PASD1: variants seen among roughly 807,000 people sequenced by gnomAD.
The protein encoded by PASD1 is PAS domain containing repressor 1.
Under a neutral mutation model 58.8 loss-of-function variants are expected in PASD1, and 13 were observed. The ratio of observed to expected loss-of-function variants is 0.22; its 90% confidence interval spans 0.14 to 0.35. PASD1 has a LOEUF of 0.35. Ranked by LOEUF, PASD1 falls within the 10% of genes least tolerant of loss-of-function variation. The pLI is 1.00. For synonymous variants in PASD1, 236 were observed against 216.7 expected, an observed-to-expected ratio of 1.09 and a Z score of -0.78; for missense variants, 734 against 568.3, an observed-to-expected ratio of 1.29 and a Z score of -2.96.
Position 151,659,812 on chromosome X carries a change from C to A in PASD1, c.817C>A (p.Leu273Met). The A allele has an allele frequency of 8.3e-7, 1 of 1,206,607 alleles. No individual in the cohort carries two copies. The highest frequency in any genetic ancestry group is 1.1e-6 in the Non-Finnish European group (1 of 891,931). Reference sequence around the variant, plus strand: ...AACTTATTGCTCCAGTACAGTTTTCCTGGATACTATGCCTGAATCTCCAGG... The same window carrying A: ...AACTTATTGCTCCAGTACAGTTTTCATGGATACTATGCCTGAATCTCCAGG... ...DSTYCSSTVF[L>M]DTMPESPALS... The change falls in exon 10 of 16, where the codon CTG becomes ATG. Residue 273 changes from leucine to methionine, a missense_variant. By Grantham distance (15) the Leu-to-Met change is conservative. Coordinates refer to ENST00000370357, the MANE Select transcript of PASD1 (RefSeq NM_173493.3).
chrX:151,659,605 T>C (rs2014285700), intron 9 of PASD1, 108 bp from the exon 10 acceptor site: 1 of 774,681 alleles, frequency 1.3e-6, no homozygotes, highest in African/African-American at 2.1e-5. Context: ...TGCAGCAGTG[T>C]TAGAAATTGT....
intron 8 of PASD1, among the ~76,000 whole-genome samples, chrX:151,631,847 C>G (rs1214052404): frequency 8.9e-6 from 1 of 111,929 alleles, no homozygotes; most frequent in Non-Finnish European, 1.9e-5. Context: ...GACTCCATTC[C>G]TTATGTCTGT....
intron 1 of PASD1, among the ~76,000 whole-genome samples, chrX:151,568,900 A>G (rs1296261739): frequency 1.8e-5 from 2 of 111,228 alleles, no homozygotes; most frequent in Admixed American, 9.6e-5. Context: ...GAGTGGCCAT[A>G]TGCGGTAGGG....
At chrX:151,668,038 C>G (rs9697846) in intron 11 of PASD1, among the ~76,000 whole-genome samples, 30,345 of 110,442 alleles carry the variant, frequency 0.27, 3,821 homozygotes, top group Non-Finnish European at 0.39. Flanking sequence ...ACTTGCAACA[C>G]TATGTTGAAT....
chrX:151,667,378 T>G (rs1299389269), intron 11 of PASD1, among the ~76,000 whole-genome samples: 1 of 111,569 alleles, frequency 9.0e-6, no homozygotes, highest in Non-Finnish European at 1.9e-5. Flanking sequence ...AGAAGCTCTT[T>G]AGTTTAATTA....
intron 11 of PASD1, among the ~76,000 whole-genome samples, chrX:151,669,290 T>C (rs764095285): frequency 1.1e-4 from 12 of 107,989 alleles, no homozygotes; most frequent in African/African-American, 4.0e-4. Context: ...TATATTATGT[T>C]GTACATAGTT....
At chrX:151,563,888 G>A in intron 1 of PASD1, 49 bp downstream of exon 1, 2 of 112,514 alleles carry the variant, frequency 1.8e-5, no homozygotes, top group South Asian at 7.6e-4. Context: ...AATGCCTTGG[G>A]GTGGCGGCGG....
intron 11 of PASD1, among the ~76,000 whole-genome samples, chrX:151,668,569 A>G (rs1023295924): frequency 4.5e-5 from 5 of 111,596 alleles, no homozygotes; most frequent in African/African-American, 1.6e-4. Flanking sequence ...ATCAGAGAAT[A>G]CTATAAACAC....
intron 1 of PASD1, among the ~76,000 whole-genome samples, chrX:151,590,298 T>A (rs1194640799): frequency 8.9e-6 from 1 of 112,263 alleles, no homozygotes; most frequent in African/African-American, 3.2e-5. Context: ...GGAAAGGACA[T>A]CAGCCCTGAG....
Position 151,648,669 on chromosome X carries a change from CGCTGCTGCT to C in PASD1, c.700_708del (p.Ala234_Ala236del), listed in dbSNP as rs750036801. The C allele has an allele frequency of 2.8e-4, 333 of 1,207,400 alleles. No individual in the cohort carries two copies. The highest frequency in any genetic ancestry group is 3.4e-4 in the Non-Finnish European group (307 of 893,718). ...GCATGAAAGCCGTGTACGTTGAACC[CGCTGCTGCT>C]GCTGCTGCTGCTGCTATCTCAGACG... On this transcript the variant is annotated inframe_deletion, in exon 9 of 16. Coordinates refer to ENST00000370357, the MANE Select transcript of PASD1 (RefSeq NM_173493.3).
At chrX:151,641,248 C>T (rs1250196286) in intron 8 of PASD1, 1 of 110,475 alleles carries the variant, frequency 9.1e-6, no homozygotes, top group Non-Finnish European at 1.9e-5. Context: ...CAAAATGGCC[C>T]TTTAGAGAGT....
chrX:151,649,324 T>C (rs937946876), intron 9 of PASD1, among the ~76,000 whole-genome samples: 3 of 111,752 alleles, frequency 2.7e-5, no homozygotes, highest in African/African-American at 9.8e-5. Context: ...CCATAGCTGA[T>C]AGGCTGGATC....
chrX:151,640,271 G>A (rs1332985843), intron 8 of PASD1, among the ~76,000 whole-genome samples: 2 of 112,123 alleles, frequency 1.8e-5, no homozygotes, highest in African/African-American at 6.5e-5. Context: ...AAAAGTGTGT[G>A]TGTGTTTGTG....
At chrX:151,602,555 G>A (rs1381110551) in intron 2 of PASD1, among the ~76,000 whole-genome samples, 3 of 110,261 alleles carry the variant, frequency 2.7e-5, no homozygotes, top group Non-Finnish European at 5.7e-5. Context: ...AATTAACTGG[G>A]TGTGATGGCA....
intron 1 of PASD1, among the ~76,000 whole-genome samples, chrX:151,595,056 G>T: frequency 9.0e-6 from 1 of 111,622 alleles, no homozygotes; most frequent in East Asian, 2.8e-4. Context: ...ATTTCTGTTT[G>T]CTTTAAGATT....
intron 9 of PASD1, among the ~76,000 whole-genome samples, chrX:151,659,071 C>T (rs1461456947): frequency 8.9e-6 from 1 of 112,482 alleles, no homozygotes; most frequent in African/African-American, 3.2e-5. Flanking sequence ...TGACACTATC[C>T]AGTGAGAACA....
intron 1 of PASD1, among the ~76,000 whole-genome samples, chrX:151,583,603 CCTGT>C (rs1485741211): frequency 8.9e-6 from 1 of 111,935 alleles, no homozygotes; most frequent in African/African-American, 3.2e-5. Context: ...TTCAGTTCTA[CCTGT>C]CTTTTAGATT....
intron 8 of PASD1, among the ~76,000 whole-genome samples, chrX:151,634,366 C>T (rs2013904028): frequency 9.0e-6 from 1 of 110,773 alleles, no homozygotes; most frequent in African/African-American, 3.3e-5. Context: ...TATGTATTTC[C>T]TATGTTCAAG....
intron 1 of PASD1, among the ~76,000 whole-genome samples, chrX:151,595,732 A>C (rs951118248): frequency 9.1e-6 from 1 of 109,681 alleles, no homozygotes; most frequent in Non-Finnish European, 1.9e-5. Flanking sequence ...CTCAAAAAAC[A>C]CAACAAAAAA....
Sources: allele counts gnomAD v4.1 joint callset (sites outside exome capture counted in the v4.1 genomes callset), GRCh38; gene constraint gnomAD v4.1.1; transcripts MANE v1.5; gene names NCBI Gene and HGNC (gene_info 2026-07-23, HGNC 2026-07-21).